WDPCP: variants seen among roughly 807,000 people sequenced by gnomAD.
WDPCP encodes WD repeat-containing and planar cell polarity effector protein fritz homolog.
Under a neutral mutation model 93.1 loss-of-function variants are expected in WDPCP, and 71 were observed. The observed-to-expected ratio is 0.76, with a 90% confidence interval of 0.63 to 0.93. The LOEUF (loss-of-function observed/expected upper bound fraction) is 0.93, where lower values mean the gene tolerates loss of function less well. Among genes scored for constraint, WDPCP ranks in the 40% least tolerant of loss-of-function variants. The probability of loss-of-function intolerance (pLI) is 0.00; values close to 1 mark genes in which losing one functional copy is unlikely to be tolerated. For synonymous variants in WDPCP, 315 were observed against 315.0 expected (o/e 1.00, Z 0.00); for missense variants, 844 against 887.4 (o/e 0.95, Z 0.62).
chr2:63,429,124 G>T lies in WDPCP; in HGVS notation c.825+4621C>A, dbSNP rs961087444. Among the ~76,000 whole-genome samples the T allele has an allele frequency of 1.8e-4, 27 of 152,158 alleles. 1 individual carries two copies. Among genetic ancestry groups the T allele is most frequent in the Admixed American group, 1.6e-3 (25 of 15,274 alleles). ...TAGGATAGCTGGCTATTCATGTGCA[G>T]AAGAATGAAACTGGAACCCCTCCTA... On this transcript the variant is annotated intron_variant, in intron 9 of 17. Coordinates refer to ENST00000272321, the MANE Select transcript of WDPCP (RefSeq NM_015910.7).
intron 1 of WDPCP, among the ~76,000 whole-genome samples, chr2:63,587,500 A>C (rs564890289): frequency 6.6e-6 from 1 of 152,368 alleles, no homozygotes; most frequent in African/African-American, 2.4e-5. Context: ...AGAAAAATTG[A>C]AAGATATTAC....
intron 2 of WDPCP, among the ~76,000 whole-genome samples, chr2:63,683,849 A>T (rs1247288188): frequency 7.0e-6 from 1 of 142,196 alleles, no homozygotes; most frequent in East Asian, 2.0e-4. Flanking sequence ...ACTCCATCTC[A>T]AAAAAAAAAA....
Position 63,581,561 on chromosome 2 carries a change from G to A in WDPCP, c.75+6636C>T, listed in dbSNP as rs139515480. Among the ~76,000 whole-genome samples the A allele has an allele frequency of 2.7e-3, 407 of 152,216 alleles. 2 individuals carry two copies. Among genetic ancestry groups the A allele is most frequent in the African/African-American group, 9.2e-3 (383 of 41,512 alleles). On this transcript the variant is annotated intron_variant, in intron 1 of 17. Coordinates refer to ENST00000272321, the MANE Select transcript of WDPCP (RefSeq NM_015910.7). ...AGTACACAGAAAAGTCTTGGCTCAG[G>A]AGTAGGAAATTATTACCCCTAGTAG...
At chr2:63,768,339 CTTT>C (rs575874605) in intron 2 of WDPCP, among the ~76,000 whole-genome samples, 1 of 137,452 alleles carries the variant, frequency 7.3e-6, no homozygotes, top group South Asian at 2.3e-4. Context: ...ATTTTTGTTC[CTTT>C]TTTTTTTTTT....
chr2:63,529,396 C>G (rs1703635439), intron 1 of WDPCP, among the ~76,000 whole-genome samples: 1 of 152,132 alleles, frequency 6.6e-6, no homozygotes, highest in Non-Finnish European at 1.5e-5. Context: ...CCCACCAATA[C>G]CTAGTTTATT....
In WDPCP at chr2:63,474,522, T is replaced by G. The variant is rs533926345; in HGVS notation, c.384+10082A>C. Among the ~76,000 whole-genome samples the G allele has an allele frequency of 2.6e-5, 4 of 152,260 alleles. No individual in the cohort carries two copies. The South Asian group carries it at 8.3e-4, about 32-fold the overall frequency. On this transcript the variant is annotated intron_variant, in intron 6 of 17. Transcript: ENST00000272321. ...TACTCATTTTCCTATAAACTTACCA[T>G]TAATATCTGAGGCTGTTAAATATTT...
intron 6 of WDPCP, among the ~76,000 whole-genome samples, chr2:63,472,746 G>T (rs955098982): frequency 5.3e-5 from 8 of 152,098 alleles, no homozygotes; most frequent in African/African-American, 1.9e-4. Flanking sequence ...TTTTAGTAGA[G>T]ACAGGGTTTT....
chr2:63,800,856 CCA>C (rs1670684276), intron 2 of WDPCP, among the ~76,000 whole-genome samples: 1 of 151,866 alleles, frequency 6.6e-6, no homozygotes, highest in Non-Finnish European at 1.5e-5. Flanking sequence ...GAGTTCAAGG[CCA>C]GCCTGGGCAA....
intron 14 of WDPCP, among the ~76,000 whole-genome samples, chr2:63,206,434 T>A (rs1311655993): frequency 6.6e-6 from 1 of 152,148 alleles, no homozygotes; most frequent in Non-Finnish European, 1.5e-5. Context: ...CCAGCATCTG[T>A]AAGGCAGTCC....
intron 3 of WDPCP, among the ~76,000 whole-genome samples, chr2:63,602,260 T>G (rs1213444828): frequency 6.6e-6 from 1 of 152,048 alleles, no homozygotes; most frequent in African/African-American, 2.4e-5. Flanking sequence ...ACTGAATAAA[T>G]TAGTATGAAG....
intron 3 of WDPCP, among the ~76,000 whole-genome samples, chr2:63,603,681 A>G (rs1029396963): frequency 1.0e-4 from 13 of 130,156 alleles, no homozygotes; most frequent in Non-Finnish European, 2.0e-4. Context: ...TTTTTTTGAG[A>G]CAGTCTCGCT....
chr2:63,740,174 A>G (rs1206225942), intron 2 of WDPCP, among the ~76,000 whole-genome samples: 5 of 152,260 alleles, frequency 3.3e-5, no homozygotes, highest in Middle Eastern at 6.8e-3. Flanking sequence ...TGCTGCACAT[A>G]TATGTGTACT....
chr2:63,425,743 A>G (rs1696230758), intron 9 of WDPCP, among the ~76,000 whole-genome samples: 1 of 152,230 alleles, frequency 6.6e-6, no homozygotes, highest in African/African-American at 2.4e-5. Flanking sequence ...AATCAAACCT[A>G]TGACTCACTG....
chr2:63,507,784 G>C (rs1701975784), intron 1 of WDPCP, among the ~76,000 whole-genome samples: 3 of 152,100 alleles, frequency 2.0e-5, no homozygotes, highest in Non-Finnish European at 2.9e-5. Flanking sequence ...ACTTCATGAA[G>C]CATACACAAG....
chr2:63,758,146 TA>T (rs1301003194), intron 2 of WDPCP, among the ~76,000 whole-genome samples: 69 of 152,032 alleles, frequency 4.5e-4, no homozygotes, highest in African/African-American at 1.6e-3. Context: ...CAGTACTAGG[TA>T]AAATTGTTGG....
rs1669498266 is a variant in WDPCP at position 63,120,633 on chromosome 2, TCTC to T, written c.*1370_*1372del. On this transcript the variant is annotated 3_prime_UTR_variant, in exon 18 of 18. Coordinates refer to ENST00000272321, the MANE Select transcript of WDPCP (RefSeq NM_015910.7). ...CCTCCGCCCTCCGGGTTCACGCCAT[TCTC>T]CTGCTTCAGCCTCCCAAGTAGTTGG... 6.6e-6 allele frequency among the ~76,000 whole-genome samples: 1 copy of T among 151,186 alleles called. No individual in the cohort carries two copies. The highest frequency in any genetic ancestry group is 2.1e-4 in the South Asian group (1 of 4,758).
intron 1 of WDPCP, among the ~76,000 whole-genome samples, chr2:63,536,932 A>G (rs1704328481): frequency 6.6e-6 from 1 of 151,778 alleles, no homozygotes; most frequent in South Asian, 2.1e-4. Context: ...CACCCAGCCA[A>G]TTTTTTTGTA....
At chr2:63,757,279 A>C (rs1669985118) in intron 2 of WDPCP, among the ~76,000 whole-genome samples, 1 of 152,200 alleles carries the variant, frequency 6.6e-6, no homozygotes, top group African/African-American at 2.4e-5. Context: ...GGCCCTCAAA[A>C]GTTGTTCCCA....
At chr2:63,828,315 T>C (rs911006353), upstream of WDPCP, among the ~76,000 whole-genome samples, 9 of 152,168 alleles carry the variant, frequency 5.9e-5, no homozygotes, top group Non-Finnish European at 1.3e-4. Flanking sequence ...GGCTCAAACC[T>C]CTGCTCCAAC....
Sources: gnomAD v4.1 joint callset for allele counts (sites outside exome capture counted in the v4.1 genomes callset) on GRCh38, gnomAD v4.1.1 for gene constraint, MANE v1.5 for transcripts, NCBI Gene and HGNC (gene_info 2026-07-23, HGNC 2026-07-21) for gene names.